PIK3C2G: variants seen among roughly 807,000 people sequenced by gnomAD.
PIK3C2G encodes the protein phosphatidylinositol-4-phosphate 3-kinase catalytic subunit type 2 gamma.
A neutral mutation model predicts 181.1 loss-of-function variants in PIK3C2G; 168 were observed. The ratio of observed to expected loss-of-function variants is 0.93; its 90% CI spans 0.82 to 1.05. PIK3C2G has a LOEUF of 1.05. PIK3C2G is among the 50% of genes least tolerant of loss of function. The pLI, the probability that PIK3C2G is intolerant of heterozygous loss-of-function variation, is 0.00. For missense variants in PIK3C2G, 1,869 were observed against 1,732.8 expected (o/e 1.08, Z -1.40); for synonymous variants, 573 against 592.2 (o/e 0.97, Z 0.47).
chr12:18,491,667 A>C (rs1166382678), intron 20 of PIK3C2G, 109 bp downstream of exon 20: 7 of 613,214 alleles, frequency 1.1e-5, no homozygotes, highest in African/African-American at 1.8e-5. Flanking sequence ...CACTGCAATT[A>C]TTTTAACGAA....
At chr12:18,636,909 G>T (rs1317877516) in intron 31 of PIK3C2G, among the ~76,000 whole-genome samples, 3 of 152,138 alleles carry the variant, frequency 2.0e-5, no homozygotes, top group Admixed American at 6.5e-5. Context: ...CACTTCACAG[G>T]TCAGGAAACC....
intron 31 of PIK3C2G, among the ~76,000 whole-genome samples, chr12:18,614,177 C>G (rs1948483943): frequency 6.6e-6 from 1 of 151,924 alleles, no homozygotes; most frequent in South Asian, 2.1e-4. Context: ...TTCCTTCATT[C>G]CGTGAATGAA....
At chr12:18,550,160 T>G (rs1382681587) in intron 26 of PIK3C2G, among the ~76,000 whole-genome samples, 1 of 152,078 alleles carries the variant, frequency 6.6e-6, no homozygotes, top group East Asian at 1.9e-4. Context: ...TCTAGCACTA[T>G]GAACAATCTC....
At chr12:18,365,868 A>G (rs1941607240) in intron 12 of PIK3C2G, among the ~76,000 whole-genome samples, 1 of 152,178 alleles carries the variant, frequency 6.6e-6, no homozygotes, top group Non-Finnish European at 1.5e-5. Context: ...TGGATAATCA[A>G]TTCTAATTCT....
chr12:18,471,551 A>C (rs1029522468), intron 18 of PIK3C2G, among the ~76,000 whole-genome samples: 1 of 152,120 alleles, frequency 6.6e-6, no homozygotes, highest in Non-Finnish European at 1.5e-5. Flanking sequence ...GCCTTGGCTT[A>C]TGACAGTCTT....
chr12:18,706,528 G>A, the PIK3C2G span, among the ~76,000 whole-genome samples: 1 of 152,170 alleles, frequency 6.6e-6, no homozygotes, highest in African/African-American at 2.4e-5. Context: ...TAGCAAAGGA[G>A]TTTTATTAAG....
At position 18,413,705 on chromosome 12, in the gene PIK3C2G, T is replaced by C. The variant is rs548827169; in HGVS notation, c.2316-7236T>C. Among the ~76,000 whole-genome samples the C allele has an allele frequency of 4.6e-5, 7 of 152,258 alleles. No individual in the cohort carries two copies. The South Asian group carries it at 1.4e-3, about 32-fold the overall frequency. ...TAATATTCACTTCAATAGTAATTAG[T>C]AGTTCCAAGGTTAGCAGAATTGCTA... On this transcript the variant is annotated intron_variant, in intron 16 of 32. Transcript: ENST00000538779.
chr12:18,623,520 G>T (rs1476190005), intron 31 of PIK3C2G, among the ~76,000 whole-genome samples: 12 of 151,734 alleles, frequency 7.9e-5, no homozygotes, highest in Admixed American at 7.2e-4. Context: ...GCAATTTGGA[G>T]TTTTTTGTGG....
rs1942326572 is a variant in PIK3C2G at position 18,374,869 on chromosome 12, C to T, written c.1880+3558C>T. On this transcript the variant is annotated intron_variant, in intron 13 of 32. Coordinates refer to ENST00000538779, the MANE Select transcript of PIK3C2G (RefSeq NM_001288772.2). ...CACCTGTTATCACCATGTGAGACAC[C>T]TGCTCCTCCTTTGCCTTCTGCCATG... Among the ~76,000 whole-genome samples, 4 of 152,256 alleles carry T rather than the reference C, an allele frequency of 2.6e-5. 1 individual carries two copies. The South Asian group carries it at 6.2e-4, about 24-fold the overall frequency.
At chr12:18,622,502 G>C (rs146843211) in intron 31 of PIK3C2G, among the ~76,000 whole-genome samples, 199 of 152,004 alleles carry the variant, frequency 1.3e-3, no homozygotes, top group African/African-American at 4.5e-3. Flanking sequence ...ATTGTGAATA[G>C]TGCTGCAATA....
chr12:18,682,958 A>T, the PIK3C2G span, among the ~76,000 whole-genome samples: 1 of 152,168 alleles, frequency 6.6e-6, no homozygotes, highest in Non-Finnish European at 1.5e-5. Context: ...TATAAATTCT[A>T]GTAATTAAAA....
chr12:18,352,588 TTAACAGCTCAGTG>T (rs1195132482), intron 11 of PIK3C2G, among the ~76,000 whole-genome samples: 4 of 152,248 alleles, frequency 2.6e-5, no homozygotes, highest in Non-Finnish European at 4.4e-5. Flanking sequence ...ACTTAAGTGT[TTAACAGCTCAGTG>T]TGACAGCCCT....
chr12:18,625,659 C>T lies in PIK3C2G; in HGVS notation c.4183-14770C>T, dbSNP rs143880873. Among the ~76,000 whole-genome samples the T allele has an allele frequency of 5.7e-3, 863 of 151,852 alleles. 2 individuals carry two copies. Among genetic ancestry groups the T allele is most frequent in the Middle Eastern group, 0.01 (3 of 294 alleles). On this transcript the variant is annotated intron_variant, in intron 31 of 32. Coordinates refer to ENST00000538779, the MANE Select transcript of PIK3C2G (RefSeq NM_001288772.2). ...CATTATTGTATTGAGAAGAATCTATCCCTTCAGAAACTTTAATATTTGCTT... is the reference window on the plus strand; with the variant it reads ...CATTATTGTATTGAGAAGAATCTATTCCTTCAGAAACTTTAATATTTGCTT...
chr12:18,683,258 T>C, the PIK3C2G span: 1 of 1,612,506 alleles, frequency 6.2e-7, no homozygotes, highest in Non-Finnish European at 8.5e-7. Context: ...GTACCAAACA[T>C]AAACAAACAG....
At chr12:18,602,135 T>C (rs912159233) in intron 30 of PIK3C2G, among the ~76,000 whole-genome samples, 2 of 151,992 alleles carry the variant, frequency 1.3e-5, no homozygotes, top group Non-Finnish European at 2.9e-5. Flanking sequence ...GTGGAAAGCT[T>C]TGGGCAACTT....
chr12:18,628,481 T>C (rs1949200045), intron 31 of PIK3C2G, among the ~76,000 whole-genome samples: 1 of 152,218 alleles, frequency 6.6e-6, no homozygotes, highest in Non-Finnish European at 1.5e-5. Flanking sequence ...CCATTTGAAA[T>C]GCTATATGCA....
At chr12:18,284,036 A>T (rs1268389381) in intron 2 of PIK3C2G, among the ~76,000 whole-genome samples, 1 of 152,030 alleles carries the variant, frequency 6.6e-6, no homozygotes, top group Non-Finnish European at 1.5e-5. Context: ...CTGTGATTTG[A>T]CAAGCAGAGT....
intron 18 of PIK3C2G, among the ~76,000 whole-genome samples, chr12:18,484,242 A>G (rs1026991282): frequency 2.0e-5 from 3 of 152,184 alleles, no homozygotes; most frequent in Non-Finnish European, 4.4e-5. Flanking sequence ...GCTGGGAACA[A>G]TAATGAAATC....
chr12:18,704,875 T>C, the PIK3C2G span, among the ~76,000 whole-genome samples: 1 of 152,106 alleles, frequency 6.6e-6, no homozygotes, highest in East Asian at 1.9e-4. Context: ...CTGTAAAACA[T>C]ACTAAATTTC....
Sources: allele counts gnomAD v4.1 joint callset (sites outside exome capture counted in the v4.1 genomes callset), GRCh38; gene constraint gnomAD v4.1.1; transcripts MANE v1.5; gene names NCBI Gene and HGNC (gene_info 2026-07-23, HGNC 2026-07-21).